Variants in FGF14 observed in about 807,000 individuals in gnomAD.
FGF14 encodes the protein fibroblast growth factor homologous factor 4.
In FGF14, 5 loss-of-function variants were observed where a neutral mutation model predicts 25.5. The ratio of observed to expected loss-of-function variants is 0.20; its 90% CI spans 0.10 to 0.41. FGF14 has a LOEUF of 0.41. FGF14 is among the 10% of genes least tolerant of loss of function. The pLI, the probability that FGF14 is intolerant of heterozygous loss-of-function variation, is 1.00. For synonymous variants in FGF14, 138 were observed against 118.3 expected (o/e 1.17, Z -1.08); for missense variants, 222 against 320.1 (o/e 0.69, Z 2.34).
chr13:101,782,292 T>C (rs1476000878), intron 3 of FGF14, among the ~76,000 whole-genome samples: 1 of 152,234 alleles, frequency 6.6e-6, no homozygotes, highest in Non-Finnish European at 1.5e-5. Context: ...TGCACTTACA[T>C]CAAATTTACT....
At chr13:101,909,555 C>T (rs1415863204) in intron 1 of FGF14, among the ~76,000 whole-genome samples, 1 of 152,164 alleles carries the variant, frequency 6.6e-6, no homozygotes, top group African/African-American at 2.4e-5. Flanking sequence ...CCATCTCACA[C>T]CAGTTAGAAA....
chr13:101,847,976 T>C (rs1319543308), intron 3 of FGF14, among the ~76,000 whole-genome samples: 1 of 152,012 alleles, frequency 6.6e-6, no homozygotes, highest in Non-Finnish European at 1.5e-5. Flanking sequence ...GTATTAAATG[T>C]GGTAGGAAAG....
At chr13:101,792,899 T>TTATA (rs34577660) in intron 3 of FGF14, among the ~76,000 whole-genome samples, 4 of 151,736 alleles carry the variant, frequency 2.6e-5, no homozygotes, top group African/African-American at 9.7e-5. Flanking sequence ...CAAATTATAG[T>TTATA]TATATATATA....
intron 3 of FGF14, among the ~76,000 whole-genome samples, chr13:101,827,064 A>G (rs1203873787): frequency 6.6e-6 from 1 of 152,038 alleles, no homozygotes; most frequent in Non-Finnish European, 1.5e-5. Context: ...TCTTAAGAAC[A>G]TGACAGCTTC....
chr13:102,239,422 T>C (rs1388775498), intron 1 of FGF14, among the ~76,000 whole-genome samples: 1 of 152,206 alleles, frequency 6.6e-6, no homozygotes, highest in Non-Finnish European at 1.5e-5. Flanking sequence ...GACTCAATAC[T>C]TCTGGGTTGG....
intron 3 of FGF14, among the ~76,000 whole-genome samples, chr13:101,750,883 A>T (rs2037225606): frequency 6.6e-6 from 1 of 152,218 alleles, no homozygotes; most frequent in African/African-American, 2.4e-5. Flanking sequence ...GCCATCAAAA[A>T]ATATGAGAAA....
At chr13:102,151,058 C>T (rs2047061906) in intron 1 of FGF14, among the ~76,000 whole-genome samples, 2 of 152,148 alleles carry the variant, frequency 1.3e-5, no homozygotes, top group Non-Finnish European at 2.9e-5. Context: ...TAACAGTTTT[C>T]AATGAACTTA....
chr13:101,729,207 G>A (rs756252788), intron 3 of FGF14, among the ~76,000 whole-genome samples: 2 of 151,932 alleles, frequency 1.3e-5, no homozygotes, highest in African/African-American at 2.4e-5. Flanking sequence ...GTGGAGACTG[G>A]TATATTTTCA....
intron 1 of FGF14, among the ~76,000 whole-genome samples, chr13:102,096,016 T>A (rs981346185): frequency 6.8e-6 from 1 of 147,060 alleles, no homozygotes; most frequent in African/African-American, 2.5e-5. Context: ...TATATATATA[T>A]AATATATTTC....
intron 1 of FGF14, among the ~76,000 whole-genome samples, chr13:102,383,307 T>C (rs1196215533): frequency 1.3e-5 from 2 of 152,214 alleles, no homozygotes; most frequent in African/African-American, 4.8e-5. Flanking sequence ...TGTGTTAGTA[T>C]TCATTAGACA....
intron 1 of FGF14, among the ~76,000 whole-genome samples, chr13:102,011,730 T>A (rs2040088566): frequency 6.6e-6 from 1 of 152,164 alleles, no homozygotes; most frequent in Admixed American, 6.5e-5. Context: ...ATCACAGAAA[T>A]GCGACCACAG....
intron 1 of FGF14, among the ~76,000 whole-genome samples, chr13:101,933,020 A>G (rs1163022374): frequency 6.6e-6 from 1 of 152,092 alleles, no homozygotes; most frequent in Non-Finnish European, 1.5e-5. Context: ...AAAATAATCT[A>G]TTTTTGTCAT....
chr13:101,801,727 G>A (rs2040881544), intron 3 of FGF14, among the ~76,000 whole-genome samples: 1 of 152,294 alleles, frequency 6.6e-6, no homozygotes, highest in Middle Eastern at 3.4e-3. Flanking sequence ...TGTTGATGGT[G>A]AAATGGAAAT....
chr13:101,828,092 T>C (rs2042482824), intron 3 of FGF14, among the ~76,000 whole-genome samples: 1 of 152,020 alleles, frequency 6.6e-6, no homozygotes, highest in South Asian at 2.1e-4. Context: ...AACACACATA[T>C]ATATCTTAAA....
At chr13:101,845,014 G>C (rs1200892135) in intron 3 of FGF14, among the ~76,000 whole-genome samples, 11 of 151,962 alleles carry the variant, frequency 7.2e-5, no homozygotes, top group Non-Finnish European at 1.6e-4. Context: ...ATCTGTTTTA[G>C]ATGTGAACTC....
intron 1 of FGF14, among the ~76,000 whole-genome samples, chr13:101,901,859 T>C (rs2031598674): frequency 6.6e-6 from 1 of 152,186 alleles, no homozygotes; most frequent in South Asian, 2.1e-4. Flanking sequence ...CATTCTTTCG[T>C]TTGAAAAATA....
intron 1 of FGF14, among the ~76,000 whole-genome samples, chr13:101,974,161 T>C (rs969740292): frequency 1.5e-4 from 23 of 152,318 alleles, no homozygotes; most frequent in Admixed American, 1.4e-3. Context: ...AATACAGAAA[T>C]AAGTCAGTCC....
chr13:102,087,881 C>T (rs1053661584), intron 1 of FGF14, among the ~76,000 whole-genome samples: 5 of 152,200 alleles, frequency 3.3e-5, no homozygotes, highest in East Asian at 1.9e-4. Context: ...AACCATCTTA[C>T]AGTTAGGAAA....
intron 1 of FGF14, among the ~76,000 whole-genome samples, chr13:102,179,857 T>C (rs2048597058): frequency 6.6e-6 from 1 of 152,190 alleles, no homozygotes; most frequent in Admixed American, 6.6e-5. Flanking sequence ...ACCCTAGCTC[T>C]TCCATCCCTT....
Sources: allele counts gnomAD v4.1 joint callset (sites outside exome capture counted in the v4.1 genomes callset), GRCh38; gene constraint gnomAD v4.1.1; transcripts MANE v1.5; gene names NCBI Gene and HGNC (gene_info 2026-07-23, HGNC 2026-07-21).